Variants in STAP1 observed in about 807,000 individuals in gnomAD.
The protein encoded by STAP1 is signal transducing adaptor family member 1.
Under a neutral mutation model 37.8 loss-of-function variants are expected in STAP1, and 30 were observed. That is an observed-to-expected ratio of 0.79 (90% CI 0.59 to 1.08). The LOEUF (loss-of-function observed/expected upper bound fraction) is 1.08, where lower values mean the gene tolerates loss of function less well. STAP1 is among the 50% of genes least tolerant of loss of function. The pLI is 0.00. For synonymous variants in STAP1, 130 were observed against 116.0 expected, an observed-to-expected ratio of 1.12 and a Z score of -0.78; for missense variants, 357 against 349.4, an observed-to-expected ratio of 1.02 and a Z score of -0.17.
chr4:67,565,331 A>C (rs1343061948), intron 1 of STAP1, among the ~76,000 whole-genome samples: 1 of 152,172 alleles, frequency 6.6e-6, no homozygotes, highest in East Asian at 1.9e-4. Flanking sequence ...CTCTTTATTT[A>C]AGAAAACATG....
At chr4:67,605,703 A>G (rs1166218210) in intron 8 of STAP1, among the ~76,000 whole-genome samples, 4 of 152,262 alleles carry the variant, frequency 2.6e-5, no homozygotes, top group African/African-American at 9.6e-5. Flanking sequence ...ACACAAAGAT[A>G]AAAACTTATC....
At position 67,583,633 on chromosome 4, in the gene STAP1, TG is replaced by T; in HGVS notation, c.593del (p.Gly198GlufsTer3). The T allele has an allele frequency of 6.2e-7, 1 of 1,614,054 alleles. No individual in the cohort carries two copies. The highest frequency in any genetic ancestry group is 8.5e-7 in the Non-Finnish European group (1 of 1,179,960). Reference sequence around the variant, plus strand: ...GAGATGCTCCAGAAGAACCCTTCTTTGGGAAATATGATCCTGAGGCCTGGTA... The same window carrying T: ...GAGATGCTCCAGAAGAACCCTTCTTTGGAAATATGATCCTGAGGCCTGGTA... ...ATEMLQKNPS[L>X]GNMILRPGSD... is the part of the protein sequence containing the mutation. On this transcript the variant is annotated frameshift_variant, in exon 6 of 9. Coordinates refer to ENST00000265404, the MANE Select transcript of STAP1 (RefSeq NM_012108.4). LOFTEE classifies it high-confidence loss of function.
At chr4:67,561,470 A>AT (rs1727335961) in intron 1 of STAP1, among the ~76,000 whole-genome samples, 1 of 152,142 alleles carries the variant, frequency 6.6e-6, no homozygotes, top group Non-Finnish European at 1.5e-5. Context: ...CTTCTTAGCT[A>AT]TTTTTTGTGG....
intron 1 of STAP1, among the ~76,000 whole-genome samples, chr4:67,560,913 T>G (rs1379961564): frequency 6.8e-6 from 1 of 147,738 alleles, no homozygotes; most frequent in Non-Finnish European, 1.5e-5. Flanking sequence ...CCTCCCAATG[T>G]GCTAGAATTA....
rs576263266 is a variant in STAP1, at chr4:67,580,446, G to T, written c.364-859G>T. Among the ~76,000 whole-genome samples, 5 of 152,224 alleles carry T rather than the reference G, an allele frequency of 3.3e-5. No homozygotes were observed. In the South Asian group the frequency reaches 1.0e-3, roughly 32 times the overall value. ...TATAATAATAGAAATTAGTGAAATAGTAACTTAATAGAAAGTGAAGTTATA... is the reference window on the plus strand; with the variant it reads ...TATAATAATAGAAATTAGTGAAATATTAACTTAATAGAAAGTGAAGTTATA... On this transcript the variant is annotated intron_variant, in intron 4 of 8. Coordinates refer to ENST00000265404, the MANE Select transcript of STAP1 (RefSeq NM_012108.4).
intron 8 of STAP1, among the ~76,000 whole-genome samples, chr4:67,596,489 C>A (rs183566366): frequency 6.6e-6 from 1 of 152,232 alleles, no homozygotes; most frequent in East Asian, 1.9e-4. Context: ...GAGGGTGGAA[C>A]AGGTTGGAGG....
At chr4:67,598,349 C>G (rs1010343562) in intron 8 of STAP1, among the ~76,000 whole-genome samples, 2 of 151,998 alleles carry the variant, frequency 1.3e-5, no homozygotes, top group Non-Finnish European at 2.9e-5. Context: ...TTTTAAGGAG[C>G]CTTCATCCTG....
intron 1 of STAP1, among the ~76,000 whole-genome samples, chr4:67,565,529 T>G (rs1370856139): frequency 6.6e-6 from 1 of 152,224 alleles, no homozygotes. Flanking sequence ...AATGCAAAGT[T>G]CTTGCCAATA....
At chr4:67,575,923 G>C (rs2109861195) in intron 3 of STAP1, among the ~76,000 whole-genome samples, 1 of 152,270 alleles carries the variant, frequency 6.6e-6, no homozygotes, top group East Asian at 1.9e-4. Context: ...CCGTGTAATA[G>C]GAATCGCCTG....
chr4:67,604,971 G>T (rs1481326168), intron 8 of STAP1, among the ~76,000 whole-genome samples: 1 of 152,108 alleles, frequency 6.6e-6, no homozygotes, highest in Non-Finnish European at 1.5e-5. Flanking sequence ...TTTGTATCTG[G>T]TTCTGTGCAT....
In STAP1 at chr4:67,599,432, T is replaced by A. The variant is rs146283101; in HGVS notation, c.826+6076T>A. Among the ~76,000 whole-genome samples, 160 of 152,198 alleles carry A rather than the reference T, an allele frequency of 1.1e-3. 1 individual carries two copies. The highest frequency in any genetic ancestry group is 3.5e-3 in the African/African-American group (146 of 41,530). On this transcript the variant is annotated intron_variant, in intron 8 of 8. Transcript: ENST00000265404. ...GTTTTGGATTTTTCATGGTTTCATC[T>A]TGGTAGGTTGTATGTGTCTAGAAAT... is the stretch of plus-strand genomic sequence containing the variant.
chr4:67,563,798 A>C lies in STAP1; in HGVS notation c.120+4869A>C, dbSNP rs553207357. Reference sequence around the variant, plus strand: ...CATTAAGGAGGCTAGCTTGGATTTGATTGTGATGCACTTGACCATGCTGCT... The same window carrying C: ...CATTAAGGAGGCTAGCTTGGATTTGCTTGTGATGCACTTGACCATGCTGCT... On this transcript the variant is annotated intron_variant, in intron 1 of 8. Transcript: ENST00000265404. Among the ~76,000 whole-genome samples, 56 of 152,308 alleles carry C rather than the reference A, an allele frequency of 3.7e-4. 1 individual carries two copies. The highest frequency in any genetic ancestry group is 3.1e-3 in the Admixed American group (47 of 15,304).
intron 1 of STAP1, among the ~76,000 whole-genome samples, chr4:67,564,425 A>C (rs999477069): frequency 6.6e-6 from 1 of 152,142 alleles, no homozygotes; most frequent in African/African-American, 2.4e-5. Context: ...CGATAGTGCA[A>C]TGGAGGTCTG....
chr4:67,586,974 A>G (rs1727998885), intron 6 of STAP1, among the ~76,000 whole-genome samples: 1 of 152,248 alleles, frequency 6.6e-6, no homozygotes, highest in Admixed American at 6.5e-5. Context: ...GAAAAATTCA[A>G]CTGTATTGCA....
intron 6 of STAP1, among the ~76,000 whole-genome samples, chr4:67,585,366 G>C (rs1456115290): frequency 6.6e-6 from 1 of 152,182 alleles, no homozygotes; most frequent in Non-Finnish European, 1.5e-5. Context: ...AACTTCCAGA[G>C]ACAAATTTAA....
intron 8 of STAP1, among the ~76,000 whole-genome samples, chr4:67,598,167 A>G (rs1341690109): frequency 1.3e-5 from 2 of 152,122 alleles, no homozygotes; most frequent in Admixed American, 6.5e-5. Flanking sequence ...ACAAGATCTG[A>G]TGGTTTAAAA....
At chr4:67,588,470 T>C (rs961093529) in intron 6 of STAP1, among the ~76,000 whole-genome samples, 4 of 152,036 alleles carry the variant, frequency 2.6e-5, no homozygotes, top group African/African-American at 7.2e-5. Context: ...AGTACAGTGG[T>C]GCGAGCTCGG....
intron 1 of STAP1, among the ~76,000 whole-genome samples, chr4:67,562,029 G>T (rs528631189): frequency 2.2e-5 from 3 of 135,154 alleles, no homozygotes; most frequent in Non-Finnish European, 4.6e-5. Flanking sequence ...CCGAGATCGC[G>T]CCACTGCACT....
At position 67,580,104 on chromosome 4, in the gene STAP1, C is replaced by T. The variant is rs748753187; in HGVS notation, c.364-1201C>T. On this transcript the variant is annotated intron_variant, in intron 4 of 8. Transcript: ENST00000265404. ...AACTCTTGACCTCAAGTGATCCACCCACCTTGGCCTCCCAAAGTGCTGGGA... is the reference window on the plus strand; with the variant it reads ...AACTCTTGACCTCAAGTGATCCACCTACCTTGGCCTCCCAAAGTGCTGGGA... 4.9e-4 allele frequency among the ~76,000 whole-genome samples: 75 copies of T among 152,240 alleles called. 1 individual carries two copies. Among genetic ancestry groups the T allele is most frequent in the Admixed American group, 1.9e-3 (29 of 15,300 alleles).
Sources: gnomAD v4.1 joint callset for allele counts (sites outside exome capture counted in the v4.1 genomes callset) on GRCh38, gnomAD v4.1.1 for gene constraint, MANE v1.5 for transcripts, NCBI Gene and HGNC (gene_info 2026-07-23, HGNC 2026-07-21) for gene names.